Variants in ZNF678 observed in about 807,000 individuals in gnomAD.
ZNF678 encodes zinc finger protein 678, also known as hypothetical protein MGC42493.
A neutral mutation model predicts 3.0 loss-of-function variants in ZNF678; 5 were observed. The observed-to-expected ratio is 1.69, with a 90% confidence interval of 0.88 to 3.56. ZNF678 has a LOEUF of 3.56. Among genes scored for constraint, ZNF678 ranks in the 30% most tolerant of loss-of-function variants. The probability of loss-of-function intolerance (pLI) is 0.00; values close to 1 mark genes in which losing one functional copy is unlikely to be tolerated. For synonymous variants in ZNF678, 218 were observed against 199.6 expected, an observed-to-expected ratio of 1.09 and a Z score of -0.78; for missense variants, 593 against 605.0, an observed-to-expected ratio of 0.98 and a Z score of 0.21.
chr1:227,609,005 A>G (rs899041799), intron 1 of ZNF678, among the ~76,000 whole-genome samples: 1 of 152,206 alleles, frequency 6.6e-6, no homozygotes, highest in Admixed American at 6.5e-5. Flanking sequence ...TAGGAAATCA[A>G]CCACCAGAAT....
intron 1 of ZNF678, chr1:227,598,863 AATTT>A: frequency 1.6e-6 from 1 of 634,312 alleles, no homozygotes; most frequent in Admixed American, 2.2e-5. Flanking sequence ...ATACCTACCA[AATTT>A]ATTCTTTTCT....
intron 1 of ZNF678, among the ~76,000 whole-genome samples, chr1:227,619,680 T>G (rs1220665249): frequency 6.6e-6 from 1 of 151,954 alleles, no homozygotes; most frequent in Non-Finnish European, 1.5e-5. Flanking sequence ...ACTGGCTAAT[T>G]TTTTGTATTT....
chr1:227,664,226 C>T (rs1440991552), downstream of ZNF678, among the ~76,000 whole-genome samples: 1 of 152,188 alleles, frequency 6.6e-6, no homozygotes, highest in Non-Finnish European at 1.5e-5. Flanking sequence ...TCCCATAGAC[C>T]TTCAGCCAGG....
intron 1 of ZNF678, among the ~76,000 whole-genome samples, chr1:227,568,067 GA>G (rs1656741281): frequency 6.6e-6 from 1 of 152,186 alleles, no homozygotes; most frequent in Non-Finnish European, 1.5e-5. Flanking sequence ...GGGGCATAAA[GA>G]GGAATTATTT....
rs1659620520 is a variant in ZNF678 at position 227,672,629 on chromosome 1, C to T, written c.227-4550C>T. Among the ~76,000 whole-genome samples, 5 of 152,182 alleles carry T rather than the reference C, an allele frequency of 3.3e-5. No homozygotes were observed. In the South Asian group the frequency reaches 1.0e-3, roughly 32 times the overall value. The stretch of plus-strand genomic sequence containing the variant: ...CAGCTAGGAAAAGCCTACTTTGGTG[C>T]CCAGGCTTGTGTGACTTGAGGGAGT... On this transcript the variant is annotated intron_variant, in intron 5 of 5. Transcript: ENST00000608949.
intron 1 of ZNF678, among the ~76,000 whole-genome samples, chr1:227,641,609 C>T (rs758461581): frequency 2.0e-5 from 3 of 152,096 alleles, no homozygotes; most frequent in Non-Finnish European, 4.4e-5. Flanking sequence ...ATATGTTACC[C>T]ACAAGGTTTC....
In ZNF678 at chr1:227,610,111, G is replaced by A. The variant is rs576448814; in HGVS notation, c.-163-36433G>A. On this transcript the variant is annotated intron_variant, in intron 1 of 3. Transcript: ENST00000343776. ...AGTAACATACAGAGTGTTCTAATAA[G>A]TATGAGTTTATACAGAAGACCTAGG... Among the ~76,000 whole-genome samples, 14 of 152,214 alleles carry A rather than the reference G, an allele frequency of 9.2e-5. No homozygotes were observed. In the East Asian group the frequency reaches 2.1e-3, roughly 23 times the overall value.
chr1:227,582,520 A>G (rs1571863986), intron 1 of ZNF678: 2 of 128,056 alleles, frequency 1.6e-5, no homozygotes, highest in Non-Finnish European at 1.5e-5. Flanking sequence ...GTAGAGACGC[A>G]TTCTCACTAT....
intron 2 of ZNF678, among the ~76,000 whole-genome samples, chr1:227,648,647 A>G (rs772638911): frequency 6.6e-6 from 1 of 152,034 alleles, no homozygotes; most frequent in Non-Finnish European, 1.5e-5. Flanking sequence ...ATGAAACCCC[A>G]TCTGTACTAA....
chr1:227,591,253 C>T (rs749030356), intron 1 of ZNF678, among the ~76,000 whole-genome samples: 12 of 147,714 alleles, frequency 8.1e-5, no homozygotes, highest in Non-Finnish European at 1.3e-4. Flanking sequence ...TAGGGTTACA[C>T]GTTCCCCTTT....
chr1:227,579,095 A>G (rs1445532382), intron 1 of ZNF678, among the ~76,000 whole-genome samples: 1 of 151,710 alleles, frequency 6.6e-6, no homozygotes, highest in Non-Finnish European at 1.5e-5. Context: ...TGGCTCCTGG[A>G]GGTTTGGAAT....
chr1:227,639,628 C>T (rs1658768443), intron 1 of ZNF678, among the ~76,000 whole-genome samples: 1 of 152,270 alleles, frequency 6.6e-6, no homozygotes, highest in African/African-American at 2.4e-5. Context: ...TTTTTGAGTG[C>T]TGCAAGGAGA....
intron 1 of ZNF678, among the ~76,000 whole-genome samples, chr1:227,612,860 A>G (rs1658054429): frequency 6.6e-6 from 1 of 152,132 alleles, no homozygotes; most frequent in African/African-American, 2.4e-5. Flanking sequence ...CCTACAACCT[A>G]CACTGCACTG....
intron 1 of ZNF678, among the ~76,000 whole-genome samples, chr1:227,593,513 T>C (rs1657474629): frequency 6.6e-6 from 1 of 152,118 alleles, no homozygotes; most frequent in East Asian, 1.9e-4. Context: ...CACTGGGGTC[T>C]TTATCGAAAT....
At chr1:227,565,182 C>T (rs1164714352) in intron 1 of ZNF678, among the ~76,000 whole-genome samples, 1 of 150,780 alleles carries the variant, frequency 6.6e-6, no homozygotes, top group Non-Finnish European at 1.5e-5. Context: ...TCTCCTGCCT[C>T]AGCATCCCAA....
At chr1:227,572,159 T>C (rs1656862309) in intron 1 of ZNF678, among the ~76,000 whole-genome samples, 1 of 152,240 alleles carries the variant, frequency 6.6e-6, no homozygotes, top group Non-Finnish European at 1.5e-5. Flanking sequence ...TCCAAAACCT[T>C]ACGTTTTTAT....
At chr1:227,619,135 G>A (rs1658211788) in intron 1 of ZNF678, among the ~76,000 whole-genome samples, 1 of 152,128 alleles carries the variant, frequency 6.6e-6, no homozygotes, top group African/African-American at 2.4e-5. Flanking sequence ...GACACATGGG[G>A]ATTACAACTT....
chr1:227,632,304 G>A (rs1380443861), intron 1 of ZNF678, among the ~76,000 whole-genome samples: 2 of 152,126 alleles, frequency 1.3e-5, no homozygotes, highest in South Asian at 2.1e-4. Context: ...AAAGTCTGAC[G>A]CATTAGTACC....
intron 1 of ZNF678, among the ~76,000 whole-genome samples, chr1:227,627,723 T>A (rs191865647): frequency 6.6e-6 from 1 of 152,340 alleles, no homozygotes; most frequent in East Asian, 1.9e-4. Context: ...AAGTGAGGGC[T>A]ATTAATTCTG....
Sources: allele counts gnomAD v4.1 joint callset (sites outside exome capture counted in the v4.1 genomes callset), GRCh38; gene constraint gnomAD v4.1.1; transcripts MANE v1.5; gene names NCBI Gene and HGNC (gene_info 2026-07-23, HGNC 2026-07-21).